The following TMPRSS15 variants were observed in gnomAD, a reference collection of about 807,000 sequenced individuals.
The protein encoded by TMPRSS15 is enteropeptidase.
TMPRSS15 carries 128 observed loss-of-function variants against 125.3 expected under a neutral mutation model. The ratio of observed to expected loss-of-function variants is 1.02; its 90% CI spans 0.89 to 1.18. The LOEUF (loss-of-function observed/expected upper bound fraction) is 1.18. Ranked by LOEUF, TMPRSS15 falls within the 50% of genes most tolerant of loss-of-function variation. TMPRSS15 has a pLI of 0.00. For missense variants in TMPRSS15, 1,283 were observed against 1,212.7 expected, an observed-to-expected ratio of 1.06 and a Z score of -0.86; for synonymous variants, 446 against 423.2, an observed-to-expected ratio of 1.05 and a Z score of -0.66.
intron 3 of TMPRSS15, among the ~76,000 whole-genome samples, chr21:18,390,400 C>A (rs910547994): frequency 5.3e-5 from 8 of 152,064 alleles, no homozygotes; most frequent in Non-Finnish European, 8.8e-5. Context: ...AAAATGATAA[C>A]CTCTAACATA....
chr21:18,281,130 C>A lies in TMPRSS15; in HGVS notation c.2578G>T (p.Asp860Tyr), dbSNP rs150834580. The change falls in exon 22 of 25, where the codon GAT becomes TAT. Residue 860 changes from aspartate to tyrosine, a missense_variant. Physicochemically the swap from Asp to Tyr is radical, Grantham distance 160. Coordinates refer to ENST00000284885, the MANE Select transcript of TMPRSS15 (RefSeq NM_002772.3). Reference protein sequence around the residue: ...TSPQTVPRLIDEIVINPHYNR... With the variant: ...TSPQTVPRLIYEIVINPHYNR... ...TAATGAGGGTTTATGACAATTTCAT[C>A]TATTAATCGAGGGACTGTTTGAGGA... The A allele has an allele frequency of 5.8e-5, 93 of 1,613,746 alleles. No homozygotes were observed. The highest frequency in any genetic ancestry group is 7.5e-5 in the Non-Finnish European group (89 of 1,179,974).
At chr21:18,352,289 T>A (rs529588437) in intron 10 of TMPRSS15, among the ~76,000 whole-genome samples, 4 of 152,170 alleles carry the variant, frequency 2.6e-5, no homozygotes, top group Non-Finnish European at 5.9e-5. Flanking sequence ...TAATATCTCA[T>A]TCAGATGAAA....
At chr21:18,393,553 G>A (rs952567219) in intron 3 of TMPRSS15, among the ~76,000 whole-genome samples, 3 of 152,060 alleles carry the variant, frequency 2.0e-5, no homozygotes, top group African/African-American at 7.2e-5. Flanking sequence ...AAGCAGTCAA[G>A]CAAAGGCTAG....
At chr21:18,359,129 C>A (rs1449003370) in intron 8 of TMPRSS15, among the ~76,000 whole-genome samples, 1 of 152,008 alleles carries the variant, frequency 6.6e-6, no homozygotes, top group East Asian at 1.9e-4. Context: ...GTGAATAGAT[C>A]TGTGCATTTT....
intron 3 of TMPRSS15, among the ~76,000 whole-genome samples, chr21:18,384,371 G>T (rs1291725528): frequency 6.6e-6 from 1 of 152,040 alleles, no homozygotes. Context: ...GTCTATTAGG[G>T]ATTCACAAGA....
Position 18,437,757 on chromosome 21 carries a change from G to A in TMPRSS15, c.11-39428C>T, listed in dbSNP as rs375279800. On this transcript the variant is annotated intron_variant, in intron 1 of 7. Transcript: ENST00000422787. ...TCATCACTGGCCATCAGAGAAATGCGAATCAAAACCACAATGAGATACCAT... is the reference window on the plus strand; with the variant it reads ...TCATCACTGGCCATCAGAGAAATGCAAATCAAAACCACAATGAGATACCAT... Among the ~76,000 whole-genome samples the A allele has an allele frequency of 3.6e-3, 554 of 152,168 alleles. 12 individuals are homozygous for A. In the East Asian group the frequency reaches 0.082, roughly 23 times the overall value.
intron 4 of TMPRSS15, 139 bp downstream of exon 4, chr21:18,383,488 T>G: frequency 2.0e-6 from 2 of 980,970 alleles, no homozygotes; most frequent in South Asian, 3.2e-5. Flanking sequence ...ATTTCACTTT[T>G]CTCATGTAAA....
intron 8 of TMPRSS15, among the ~76,000 whole-genome samples, chr21:18,357,682 A>G (rs2075639237): frequency 6.6e-6 from 1 of 151,806 alleles, no homozygotes; most frequent in African/African-American, 2.4e-5. Flanking sequence ...AAGTATCTGC[A>G]TTATTACCAT....
upstream of TMPRSS15, among the ~76,000 whole-genome samples, chr21:18,406,401 G>A (rs539027282): frequency 2.0e-5 from 3 of 152,196 alleles, no homozygotes; most frequent in South Asian, 6.2e-4. Context: ...GAATGAGAGG[G>A]CCTGTGAGTA....
intron 21 of TMPRSS15, among the ~76,000 whole-genome samples, chr21:18,292,756 A>G (rs910203144): frequency 2.0e-5 from 3 of 152,224 alleles, no homozygotes; most frequent in African/African-American, 7.2e-5. Flanking sequence ...CAGTTAGGAT[A>G]CAGATGTTAT....
At chr21:18,278,041 A>G (rs974817378) in intron 23 of TMPRSS15, among the ~76,000 whole-genome samples, 4 of 152,246 alleles carry the variant, frequency 2.6e-5, no homozygotes, top group Non-Finnish European at 5.9e-5. Flanking sequence ...TGGTGTATCA[A>G]CTGATGGATA....
intron 16 of TMPRSS15, among the ~76,000 whole-genome samples, chr21:18,316,172 G>C (rs561067332): frequency 6.6e-6 from 1 of 152,260 alleles, no homozygotes; most frequent in South Asian, 2.1e-4. Context: ...AGCTTTAGAA[G>C]AGTGTGGATG....
chr21:18,344,053 G>C lies in TMPRSS15; in HGVS notation c.1179C>G (p.Tyr393Ter), dbSNP rs1481111767. The change falls in exon 11 of 25, where the codon TAC (tyrosine) becomes TAG (stop). Residue 393 changes from tyrosine to a stop codon, truncating the protein, a stop_gained. Transcript: ENST00000284885. LOFTEE classifies it high-confidence loss of function. ...CTCCTGGTCCAGTTGGGGTAGAAAT[G>C]TAAAATCCTGTAAAAATATCAAAAA... ...DHTFGNASGF[Y>*]ISTPTGPGGR... 2 of 1,612,452 alleles carry C rather than the reference G, an allele frequency of 1.2e-6. No individual in the cohort carries two copies. The highest frequency in any genetic ancestry group is 2.2e-5 in the East Asian group (1 of 44,878).
chr21:18,422,998 C>T (rs1396206036), intron 1 of TMPRSS15, among the ~76,000 whole-genome samples: 9 of 152,192 alleles, frequency 5.9e-5, no homozygotes, highest in Non-Finnish European at 7.3e-5. Context: ...AGATTTCCTT[C>T]AGGTTCTTTA....
intron 18 of TMPRSS15, among the ~76,000 whole-genome samples, chr21:18,310,296 C>G (rs986790131): frequency 1.3e-5 from 2 of 152,052 alleles, no homozygotes; most frequent in African/African-American, 4.8e-5. Flanking sequence ...ATGACATGAT[C>G]TTATCTACAG....
chr21:18,355,515 C>T (rs1161313893), intron 8 of TMPRSS15, among the ~76,000 whole-genome samples: 1 of 151,672 alleles, frequency 6.6e-6, no homozygotes, highest in African/African-American at 2.4e-5. Context: ...AGTCTCCTTG[C>T]CTAATAAGAG....
At chr21:18,352,856 A>G (rs1456797257) in intron 10 of TMPRSS15, 47 bp downstream of exon 10, 1 of 1,591,380 alleles carries the variant, frequency 6.3e-7, no homozygotes, top group African/African-American at 1.3e-5. Flanking sequence ...TTTCCTTTTG[A>G]TTTATGAATT....
At chr21:18,466,315 G>A (rs1407515643) in intron 1 of TMPRSS15, among the ~76,000 whole-genome samples, 3 of 152,032 alleles carry the variant, frequency 2.0e-5, no homozygotes, top group African/African-American at 7.2e-5. Context: ...ACCCCTAGAA[G>A]AAAACCTAGG....
intron 3 of TMPRSS15, among the ~76,000 whole-genome samples, chr21:18,396,761 G>T (rs1470691387): frequency 9.0e-6 from 1 of 111,694 alleles, no homozygotes; most frequent in African/African-American, 3.3e-5. Context: ...GCGACAGAAT[G>T]AGACTCTGTC....
Sources: gnomAD v4.1 joint callset for allele counts (sites outside exome capture counted in the v4.1 genomes callset) on GRCh38, gnomAD v4.1.1 for gene constraint, MANE v1.5 for transcripts, NCBI Gene and HGNC (gene_info 2026-07-23, HGNC 2026-07-21) for gene names.